Variants in POLR2G observed in about 807,000 individuals in gnomAD.
POLR2G encodes the protein DNA-directed RNA polymerase II subunit RPB7.
In POLR2G, 19 loss-of-function variants were observed where a neutral mutation model predicts 25.7. That is an observed-to-expected ratio of 0.74 (90% CI 0.52 to 1.08). POLR2G has a LOEUF of 1.08. Ranked by LOEUF, POLR2G falls within the 50% of genes least tolerant of loss-of-function variation. POLR2G has a pLI of 0.00. For synonymous variants in POLR2G, 79 were observed against 76.0 expected (o/e 1.04, Z -0.21); for missense variants, 123 against 218.5 (o/e 0.56, Z 2.76).
intron 6 of POLR2G, 87 bp from the exon 7 acceptor site, chr11:62,766,156 G>A (rs2084114954): frequency 2.6e-5 from 28 of 1,097,038 alleles, no homozygotes; most frequent in Non-Finnish European, 3.7e-5. Flanking sequence ...AAGAAGGGAT[G>A]GATGGGCAGA....
Position 62,761,611 on chromosome 11 carries a change from G to C in POLR2G, c.-38G>C, listed in dbSNP as rs772902844. On this transcript the variant is annotated 5_prime_UTR_variant, in exon 1 of 8. Transcript: ENST00000301788. ...TTCCGGTGGATTCCCAGGGACTGTC[G>C]GAGGTGTGGACTCTGCCTGCCTACC... is the stretch of plus-strand genomic sequence containing the variant. The C allele has an allele frequency of 5.0e-6, 8 of 1,591,406 alleles. No individual in the cohort carries two copies. Among genetic ancestry groups the C allele is most frequent in the Non-Finnish European group, 6.8e-6 (8 of 1,168,190 alleles).
At chr11:62,766,360 A>C in intron 7 of POLR2G, 84 bp downstream of exon 7, 1 of 1,520,792 alleles carries the variant, frequency 6.6e-7, no homozygotes, top group Non-Finnish European at 9.1e-7. Context: ...TTCAATGCCC[A>C]AATCAGAGAG....
chr11:62,762,124 C>T (rs2084092263), intron 2 of POLR2G: 1 of 571,558 alleles, frequency 1.7e-6, no homozygotes, highest in South Asian at 2.1e-5. Flanking sequence ...CATTCATTGA[C>T]TCCTCAAACA....
intron 1 of POLR2G, 66 bp downstream of exon 1, chr11:62,761,726 C>T (rs2084089776): frequency 6.2e-7 from 1 of 1,606,210 alleles, no homozygotes; most frequent in South Asian, 1.1e-5. Flanking sequence ...GGCGCCGGCG[C>T]GAGACTCCCC....
chr11:62,762,113 T>C, intron 2 of POLR2G: 1 of 581,654 alleles, frequency 1.7e-6, no homozygotes, highest in Non-Finnish European at 3.1e-6. Flanking sequence ...CTGAGATGGG[T>C]CATTCATTGA....
In POLR2G at chr11:62,761,826, C is replaced by T. The variant is rs919134191; in HGVS notation, c.44C>T (p.Pro15Leu). Residue 15 changes from proline (P) to leucine (L), a missense_variant, in exon 2 of 8, where the codon CCG (proline) becomes CTG (leucine). Pro to Leu is a moderately conservative substitution (Grantham distance 98, BLOSUM62 -3). Transcript: ENST00000301788. ...CTAGAGCACGAAATCCTGCTGCACC[C>T]GCGCTACTTCGGCCCCAACTTGCTC... Reference protein sequence around the residue: ...ISLEHEILLHPRYFGPNLLNT... With the variant: ...ISLEHEILLHLRYFGPNLLNT... The T allele has an allele frequency of 5.0e-6, 8 of 1,613,904 alleles. No homozygotes were observed. In the Admixed American group the frequency reaches 1.2e-4, roughly 24 times the overall value.
chr11:62,763,065 C>G, intron 3 of POLR2G, 39 bp downstream of exon 3: 11 of 1,443,094 alleles, frequency 7.6e-6, no homozygotes, highest in Non-Finnish European at 1.0e-5. Context: ...GGTAGTCTCT[C>G]GGAAGATCTG....
rs2084109462 is a variant in POLR2G at position 62,765,247 on chromosome 11, A to T, written c.333+15A>T. The T allele has an allele frequency of 1.2e-6, 2 of 1,613,698 alleles. No individual in the cohort carries two copies. Among genetic ancestry groups the T allele is most frequent in the Middle Eastern group, 1.7e-4 (1 of 6,052 alleles). On this transcript the variant is annotated intron_variant, in intron 4 of 7. Transcript: ENST00000301788. Reference sequence around the variant, plus strand: ...TCTCTCGACATGTAAGTCTGGGCACACTGGGTGGGGCTGAGGAAGACAGAT... The same window carrying T: ...TCTCTCGACATGTAAGTCTGGGCACTCTGGGTGGGGCTGAGGAAGACAGAT...
At position 62,762,672 on chromosome 11, in the gene POLR2G, C is replaced by A; in HGVS notation, c.123-195C>A. The A allele has an allele frequency of 6.2e-6, 4 of 645,414 alleles. No individual in the cohort carries two copies. In the South Asian group the frequency reaches 6.2e-5, roughly 10 times the overall value. The allele number at this position is 645,414 out of a possible 1,614,324, so 40.0% of individuals were successfully genotyped here. A position where few individuals can be genotyped will look rare whatever the true frequency, so the allele number is the denominator to read the frequency against. On this transcript the variant is annotated intron_variant, in intron 2 of 7. Coordinates refer to ENST00000301788, the MANE Select transcript of POLR2G (RefSeq NM_002696.3). ...GACATTTATTGTGAAATTACCAGAA[C>A]AGCATTTGGTCTTACACATACTGAT... is the stretch of plus-strand genomic sequence containing the variant.
intron 2 of POLR2G, 150 bp from the exon 3 acceptor site, chr11:62,762,717 G>T: frequency 1.6e-6 from 1 of 642,588 alleles, no homozygotes. Context: ...GTCTTCTTTT[G>T]GTCATTAAGC....
At chr11:62,765,561 T>C (rs2084111323) in intron 5 of POLR2G, 92 bp from the exon 6 acceptor site, 1 of 1,109,016 alleles carries the variant, frequency 9.0e-7, no homozygotes, top group Non-Finnish European at 1.4e-6. Context: ...GTGATGTGCA[T>C]TCAATATGCC....
chr11:62,761,707 G>A (rs1389918964), intron 1 of POLR2G, 47 bp downstream of exon 1: 2 of 1,610,148 alleles, frequency 1.2e-6, no homozygotes, highest in African/African-American at 2.7e-5. Flanking sequence ...GAAAGGAAGA[G>A]CAAGGCCAGG....
In POLR2G at chr11:62,765,645, C is replaced by A; in HGVS notation, c.400-8C>A. Reference sequence around the variant, plus strand: ...GAGCATCTGTACACTGTTCCCTCCTCTCCTCAGGATATTGTGATTCAGCAG... The same window carrying A: ...GAGCATCTGTACACTGTTCCCTCCTATCCTCAGGATATTGTGATTCAGCAG... On this transcript the variant is annotated splice_polypyrimidine_tract_variant and splice_region_variant and intron_variant, in intron 5 of 7. Coordinates refer to ENST00000301788, the MANE Select transcript of POLR2G (RefSeq NM_002696.3). 1 of 1,597,112 alleles carries A rather than the reference C, an allele frequency of 6.3e-7. No individual in the cohort carries two copies. Among genetic ancestry groups the A allele is most frequent in the Non-Finnish European group, 8.6e-7 (1 of 1,164,508 alleles).
At position 62,762,859 on chromosome 11, in the gene POLR2G, C is replaced by T; in HGVS notation, c.123-8C>T. ...ACAGTGTCTTCCTGTTTCTCATCCT[C>T]CTTGCAGGTATGGCTTTGTAATTGC... On this transcript the variant is annotated splice_region_variant and splice_polypyrimidine_tract_variant and intron_variant, in intron 2 of 7. Transcript: ENST00000301788. 2 of 1,574,916 alleles carry T rather than the reference C, an allele frequency of 1.3e-6. No individual in the cohort carries two copies. The highest frequency in any genetic ancestry group is 1.7e-4 in the Middle Eastern group (1 of 5,904).
chr11:62,761,945 G>A, intron 2 of POLR2G, 41 bp downstream of exon 2: 1 of 1,410,056 alleles, frequency 7.1e-7, no homozygotes, highest in African/African-American at 1.4e-5. Context: ...CGTTCGATGC[G>A]CACACGGGGC....
chr11:62,766,707 C>T lies in POLR2G; in HGVS notation c.*200C>T. On this transcript the variant is annotated 3_prime_UTR_variant, in exon 8 of 8. Transcript: ENST00000301788. ...TTCTAAGTATAAAAAGTCCTTGGTT[C>T]TCATGGAAGTGTTATCTTCTTTTTT... 1.8e-6 allele frequency: 1 copy of T among 558,772 alleles called. No homozygotes were observed. Among genetic ancestry groups the T allele is most frequent in the Non-Finnish European group, 3.2e-6 (1 of 315,198 alleles). 34.6% of individuals were successfully genotyped at this position (558,772 alleles called of 1,614,324 possible).
At chr11:62,762,281 T>G in intron 2 of POLR2G, 2 of 274,308 alleles carry the variant, frequency 7.3e-6, no homozygotes, top group South Asian at 8.2e-5. Flanking sequence ...TTCTGCTGGT[T>G]TTCTCTTATC....
chr11:62,765,731 C>G lies in POLR2G; in HGVS notation c.471+7C>G. On this transcript the variant is annotated splice_region_variant and intron_variant, in intron 6 of 7. Coordinates refer to ENST00000301788, the MANE Select transcript of POLR2G (RefSeq NM_002696.3). ...TGTGGACAAGAATGACATTGTGAGT[C>G]TTTTCCCCACCTCTCTACCTATACC... The G allele has an allele frequency of 6.5e-7, 1 of 1,538,186 alleles. No individual in the cohort carries two copies. The highest frequency in any genetic ancestry group is 9.0e-7 in the Non-Finnish European group (1 of 1,111,120).
chr11:62,761,780 C>T lies in POLR2G; in HGVS notation c.13-15C>T. On this transcript the variant is annotated splice_polypyrimidine_tract_variant and intron_variant, in intron 1 of 7. Coordinates refer to ENST00000301788, the MANE Select transcript of POLR2G (RefSeq NM_002696.3). ...CCAGCGCCTGGCCTGGTCGCCATCC[C>T]ACTTTTCTCCGCAGATCTCCCTAGA... 1 of 1,612,862 alleles carries T rather than the reference C, an allele frequency of 6.2e-7. No homozygotes were observed. Among genetic ancestry groups the T allele is most frequent in the Admixed American group, 1.7e-5 (1 of 60,006 alleles).
Sources: gnomAD v4.1 joint callset for allele counts on GRCh38, gnomAD v4.1.1 for gene constraint, MANE v1.5 for transcripts, NCBI Gene and HGNC (gene_info 2026-07-23, HGNC 2026-07-21) for gene names.